Variants in APLP1 observed in about 807,000 individuals in gnomAD.
APLP1 encodes the protein amyloid beta (A4) precursor-like protein 1.
A neutral mutation model predicts 84.5 loss-of-function variants in APLP1; 46 were observed. The ratio of observed to expected loss-of-function variants is 0.54; its 90% CI spans 0.43 to 0.70. The LOEUF is 0.70. Ranked by LOEUF, APLP1 falls within the 30% of genes least tolerant of loss-of-function variation. The probability of loss-of-function intolerance (pLI) is 0.00; values close to 1 mark genes in which losing one functional copy is unlikely to be tolerated. For synonymous variants in APLP1, 376 were observed against 364.0 expected (o/e 1.03, Z -0.38); for missense variants, 826 against 900.2 (o/e 0.92, Z 1.05).
intron 4 of APLP1, 70 bp from the exon 5 acceptor site, chr19:35,871,542 T>C: frequency 6.3e-7 from 1 of 1,585,902 alleles, no homozygotes; most frequent in Non-Finnish European, 8.6e-7. Context: ...CCCCCAACCC[T>C]GGCAGCCCAG....
At position 35,874,411 on chromosome 19, in the gene APLP1, C is replaced by T; in HGVS notation, c.1057-93C>T. 6.6e-7 allele frequency: 1 copy of T among 1,517,308 alleles called. No individual in the cohort carries two copies. Among genetic ancestry groups the T allele is most frequent in the Non-Finnish European group, 9.0e-7 (1 of 1,107,078 alleles). 94.0% of individuals were successfully genotyped at this position (1,517,308 alleles called of 1,614,324 possible). On this transcript the variant is annotated intron_variant, in intron 8 of 16. Coordinates refer to ENST00000221891, the MANE Select transcript of APLP1 (RefSeq NM_001024807.3). This position sits in a 1 kb window ranked among gnomAD's most constrained non-coding sequence, Gnocchi z 6.4. The stretch of plus-strand genomic sequence containing the variant: ...CAGGCCTGGACCCCTGGAACGCCCC[C>T]CAACCCCATGTAGCCCTGCCTTTCC...
At chr19:35,873,567 A>C in intron 7 of APLP1, 72 bp from the exon 8 acceptor site, 1 of 1,502,222 alleles carries the variant, frequency 6.7e-7, no homozygotes, top group Non-Finnish European at 9.2e-7. Context: ...TAAAATCTTA[A>C]AGAGGGGTTG....
Position 35,878,952 on chromosome 19 carries a change from G to T in APLP1, c.1713G>T (p.Leu571=). 1 of 1,614,088 alleles carries T rather than the reference G, an allele frequency of 6.2e-7. No homozygotes were observed. The highest frequency in any genetic ancestry group is 8.5e-7 in the Non-Finnish European group (1 of 1,180,014). Reference sequence around the variant, plus strand: ...CATCGGAGATTCAGAGGGATGAGCTGGTAAGAGGAGGAACAGCCGGGTACC... The same window carrying T: ...CATCGGAGATTCAGAGGGATGAGCTTGTAAGAGGAGGAACAGCCGGGTACC... ...FHSSEIQRDE[L]APAGTGVSRE... Residue 571 remains leucine, a splice_region_variant and synonymous_variant, in exon 15 of 17, where the codon CTG becomes CTT. Coordinates refer to ENST00000221891, the MANE Select transcript of APLP1 (RefSeq NM_001024807.3).
At position 35,870,873 on chromosome 19, in the gene APLP1, T is replaced by C. The variant is rs779569948; in HGVS notation, c.292-23T>C. ...TGGCAGGGGCGGGGCAGTGGGCTGA[T>C]TGCCCCCATCTGATCCCCCCAGATG... On this transcript the variant is annotated intron_variant, in intron 2 of 16. Transcript: ENST00000221891. 9 of 1,596,852 alleles carry C rather than the reference T, an allele frequency of 5.6e-6. No homozygotes were observed. In the Admixed American group the frequency reaches 1.6e-4, roughly 28 times the overall value.
Position 35,874,746 on chromosome 19 carries a change from G to T in APLP1, c.1221G>T (p.Glu407Asp). Residue 407 changes from glutamate (E) to aspartate (D), a missense_variant, in exon 10 of 17, where the codon GAG becomes GAT. By Grantham distance (45) the Glu-to-Asp change is conservative. This residue lies in a region of APLP1 where 433 missense variants were observed against 496.5 expected (regional missense o/e 0.87). Coordinates refer to ENST00000221891, the MANE Select transcript of APLP1 (RefSeq NM_001024807.3). This position sits in a 1 kb window ranked among gnomAD's most constrained non-coding sequence, Gnocchi z 6.4. ...AALQADPPQAERVLLALRRYL... is the reference protein window; with the variant it reads ...AALQADPPQADRVLLALRRYL... Reference sequence around the variant, plus strand: ...ATCCTGTGTCCCTTCCACAGGCGGAGCGTGTCCTGTTGGCCCTGCGGCGCT... The same window carrying T: ...ATCCTGTGTCCCTTCCACAGGCGGATCGTGTCCTGTTGGCCCTGCGGCGCT... 1 of 1,613,308 alleles carries T rather than the reference G, an allele frequency of 6.2e-7. No homozygotes were observed. The highest frequency in any genetic ancestry group is 1.1e-5 in the South Asian group (1 of 91,068).
chr19:35,873,659 G>A lies in APLP1; in HGVS notation c.1002G>A (p.Met334Ile), dbSNP rs373682820. ...QINEVMREWA[M>I]ADNQSKNLPK... ...TGCAGGTGATGCGTGAATGGGCCAT[G>A]GCAGACAACCAGTCCAAGAACCTGC... The change falls in exon 8 of 17, where the codon ATG becomes ATA. Residue 334 changes from methionine to isoleucine, a missense_variant. By Grantham distance (10) the Met-to-Ile change is conservative. Coordinates refer to ENST00000221891, the MANE Select transcript of APLP1 (RefSeq NM_001024807.3). The A allele has an allele frequency of 5.0e-6, 8 of 1,614,028 alleles. No homozygotes were observed. In the African/African-American group the frequency reaches 8.0e-5, roughly 16 times the overall value.
At position 35,873,660 on chromosome 19, in the gene APLP1, G is replaced by T. The variant is rs765861977; in HGVS notation, c.1003G>T (p.Ala335Ser). 36 of 1,613,990 alleles carry T rather than the reference G, an allele frequency of 2.2e-5. No individual in the cohort carries two copies. The highest frequency in any genetic ancestry group is 3.1e-5 in the Non-Finnish European group (36 of 1,180,024). ...INEVMREWAM[A>S]DNQSKNLPKA... Reference sequence around the variant, plus strand: ...GCAGGTGATGCGTGAATGGGCCATGGCAGACAACCAGTCCAAGAACCTGCC... The same window carrying T: ...GCAGGTGATGCGTGAATGGGCCATGTCAGACAACCAGTCCAAGAACCTGCC... The change falls in exon 8 of 17, where the codon GCA becomes TCA. Residue 335 changes from alanine (A) to serine (S), a missense_variant. Transcript: ENST00000221891.
chr19:35,876,755 T>A (rs1974289952), intron 11 of APLP1, 139 bp downstream of exon 11: 14 of 732,420 alleles, frequency 1.9e-5, no homozygotes, highest in East Asian at 3.1e-5. Context: ...ACAATGATTT[T>A]TCTTTGTTCA....
rs1298337444 is a variant in APLP1, at chr19:35,871,016, T to C, written c.412T>C (p.Phe138Leu). Residue 138 changes from phenylalanine to leucine, a missense_variant, in exon 3 of 17, where the codon TTC becomes CTC. Coordinates refer to ENST00000221891, the MANE Select transcript of APLP1 (RefSeq NM_001024807.3). The stretch of plus-strand genomic sequence containing the variant: ...CCACCCCCACCACCAGGTTGTGCCC[T>C]TCCGCTGCCTGCGTGAGTCCCAGGC... Reference protein sequence around the residue: ...CAHPHHQVVPFRCLPGEFVSE... With the variant: ...CAHPHHQVVPLRCLPGEFVSE... The C allele has an allele frequency of 6.5e-7, 1 of 1,533,600 alleles. No individual in the cohort carries two copies. The allele number at this position is 1,533,600 out of a possible 1,614,324, so 95.0% of individuals were successfully genotyped here.
chr19:35,873,728 G>T lies in APLP1; in HGVS notation c.1056+15G>T. On this transcript the variant is annotated intron_variant, in intron 8 of 16. Transcript: ENST00000221891. ...CCCTGAATGAGGTAGGACAGCCCCA[G>T]TGGGTCCTACTCATGCCTGTCCACC... The T allele has an allele frequency of 6.2e-7, 1 of 1,612,596 alleles. No individual in the cohort carries two copies. Among genetic ancestry groups the T allele is most frequent in the Non-Finnish European group, 8.5e-7 (1 of 1,179,294 alleles).
chr19:35,873,794 C>T (rs1176784281), intron 8 of APLP1, 81 bp downstream of exon 8: 2 of 1,356,412 alleles, frequency 1.5e-6, no homozygotes, highest in Non-Finnish European at 2.1e-6. Flanking sequence ...TGGCTGTGCC[C>T]TGCCCATCCA....
At position 35,868,808 on chromosome 19, in the gene APLP1, G is replaced by C. The variant is rs1475807203; in HGVS notation, c.147+25G>C. 6 of 1,270,398 alleles carry C rather than the reference G, an allele frequency of 4.7e-6. No individual in the cohort carries two copies. In the African/African-American group the frequency reaches 7.8e-5, roughly 17 times the overall value. 78.7% of individuals were successfully genotyped at this position (1,270,398 alleles called of 1,614,324 possible). ...GGTGAGGCCGGGCCGGGTCCTGGGG[G>C]ATGGGGGAAGGGGCGGGACCGGGTC... On this transcript the variant is annotated intron_variant, in intron 1 of 16. Coordinates refer to ENST00000221891, the MANE Select transcript of APLP1 (RefSeq NM_001024807.3). This position sits in a 1 kb window ranked among gnomAD's most constrained non-coding sequence, Gnocchi z 5.2.
intron 13 of APLP1, 115 bp downstream of exon 13, chr19:35,878,223 C>T (rs1974327583): frequency 4.3e-6 from 5 of 1,158,182 alleles, no homozygotes; most frequent in Middle Eastern, 2.0e-4. Context: ...GTTTGATGTA[C>T]TTTCCAGCCC....
chr19:35,870,039 TTG>T (rs1568473406), intron 2 of APLP1: 1 of 600,412 alleles, frequency 1.7e-6, no homozygotes, highest in African/African-American at 1.9e-5. Context: ...CTGGTGGTCT[TTG>T]TAAAGAGTAG....
intron 2 of APLP1, chr19:35,870,036 T>G: frequency 1.7e-6 from 1 of 604,884 alleles, no homozygotes; most frequent in Non-Finnish European, 2.9e-6. Context: ...AATCTGGTGG[T>G]CTTTGTAAAG....
At chr19:35,876,394 A>G (rs1974281676) in intron 10 of APLP1, 123 bp from the exon 11 acceptor site, 1 of 799,270 alleles carries the variant, frequency 1.3e-6, no homozygotes, top group South Asian at 1.5e-5. Context: ...TGTACCACAC[A>G]TCCTGTCCAT....
chr19:35,869,557 C>T (rs1974086269), intron 1 of APLP1, 110 bp from the exon 2 acceptor site: 1 of 1,441,382 alleles, frequency 6.9e-7, no homozygotes, highest in South Asian at 1.2e-5. Context: ...GTGTGCGGTG[C>T]TTGGGGGAGG....
intron 11 of APLP1, 76 bp downstream of exon 11, chr19:35,876,692 A>C: frequency 8.5e-7 from 1 of 1,178,864 alleles, no homozygotes; most frequent in South Asian, 1.5e-5. Context: ...GGGCCCCCCC[A>C]ATTTCATTTA....
chr19:35,871,139 G>A, intron 3 of APLP1, 98 bp from the exon 4 acceptor site: 1 of 1,522,274 alleles, frequency 6.6e-7, no homozygotes, highest in South Asian at 1.2e-5. Context: ...GTCCTAAGTG[G>A]GGCAGAGAAG....
Sources: allele counts gnomAD v4.1 joint callset, GRCh38; gene constraint gnomAD v4.1.1; regional missense constraint gnomAD v4.1.1; non-coding constraint Gnocchi (gnomAD v3.1); transcripts MANE v1.5; gene names NCBI Gene and HGNC (gene_info 2026-07-23, HGNC 2026-07-21).